The following MAP6 variants were observed in gnomAD, a reference collection of about 807,000 sequenced individuals.
MAP6 encodes the protein microtubule associated protein 6.
Under a neutral mutation model 42.4 loss-of-function variants are expected in MAP6, and 26 were observed. The observed-to-expected ratio is 0.61, with a 90% CI of 0.45 to 0.85. The LOEUF (loss-of-function observed/expected upper bound fraction) is 0.85, where lower values mean the gene tolerates loss of function less well. MAP6 is among the 40% of genes least tolerant of loss of function. The pLI is 0.00. For synonymous variants in MAP6, 418 were observed against 443.8 expected (o/e 0.94, Z 0.73); for missense variants, 966 against 1,099.0 (o/e 0.88, Z 1.71).
intron 1 of MAP6, among the ~76,000 whole-genome samples, chr11:75,627,870 C>T (rs1036102517): frequency 6.6e-6 from 1 of 152,196 alleles, no homozygotes; most frequent in African/African-American, 2.4e-5. Context: ...TCAGCTGAGG[C>T]ACTGAGACAA....
At chr11:75,649,023 G>A (rs971377307) in intron 1 of MAP6, among the ~76,000 whole-genome samples, 6 of 152,102 alleles carry the variant, frequency 3.9e-5, no homozygotes, top group African/African-American at 1.4e-4. Flanking sequence ...AATACAAAAT[G>A]TGCATAACCC....
In MAP6 at chr11:75,656,066, A is replaced by T. The variant is rs1197447056; in HGVS notation, c.905+11399T>A. ...TCTTTCTAATATTCTGCTCTTTTGC[A>T]TTCTGCCTTGATCTACCTTTTGCCT... On this transcript the variant is annotated intron_variant, in intron 1 of 3. Transcript: ENST00000304771. 3.9e-5 allele frequency among the ~76,000 whole-genome samples: 6 copies of T among 152,358 alleles called. No individual in the cohort carries two copies. The East Asian group carries it at 1.2e-3, about 29-fold the overall frequency.
chr11:75,666,315 T>C (rs569147011), intron 1 of MAP6, among the ~76,000 whole-genome samples: 72 of 152,226 alleles, frequency 4.7e-4, no homozygotes, highest in African/African-American at 1.6e-3. Flanking sequence ...CAGAAATATA[T>C]ACCGGATGGA....
intron 1 of MAP6, among the ~76,000 whole-genome samples, chr11:75,651,545 T>C (rs1292114384): frequency 1.3e-5 from 2 of 152,218 alleles, no homozygotes; most frequent in African/African-American, 2.4e-5. Flanking sequence ...AATTCCATGT[T>C]GTAGCCCCGA....
At chr11:75,603,753 T>G (rs753216565) in intron 3 of MAP6, 11 of 985,154 alleles carry the variant, frequency 1.1e-5, no homozygotes, top group Non-Finnish European at 1.3e-5. Context: ...CCTAGCACAG[T>G]GCCTGGCACA....
chr11:75,613,504 A>G (rs983096027), intron 1 of MAP6, among the ~76,000 whole-genome samples: 1 of 152,068 alleles, frequency 6.6e-6, no homozygotes. Context: ...CATCCCAGAG[A>G]TGCTCCTCAT....
intron 3 of MAP6, among the ~76,000 whole-genome samples, chr11:75,593,151 C>T (rs1269559861): frequency 6.6e-6 from 1 of 152,196 alleles, no homozygotes; most frequent in East Asian, 1.9e-4. Context: ...ATGTTTCTCC[C>T]ACTAGACTGA....
intron 1 of MAP6, among the ~76,000 whole-genome samples, chr11:75,628,114 A>C (rs770211803): frequency 8.5e-5 from 13 of 152,178 alleles, no homozygotes; most frequent in Non-Finnish European, 1.9e-4. Flanking sequence ...GTCTTGGAGC[A>C]GAGGGAGAGA....
At chr11:75,628,023 G>C (rs1943225926) in intron 1 of MAP6, among the ~76,000 whole-genome samples, 1 of 152,152 alleles carries the variant, frequency 6.6e-6, no homozygotes, top group African/African-American at 2.4e-5. Context: ...GAGGCTCAAG[G>C]ACACCCGGAT....
chr11:75,657,168 T>C (rs1251405487), intron 1 of MAP6, among the ~76,000 whole-genome samples: 3 of 151,336 alleles, frequency 2.0e-5, no homozygotes, highest in Non-Finnish European at 2.9e-5. Context: ...TGGAGTGCAG[T>C]GGCACGATCT....
chr11:75,668,472 C>A lies in MAP6; in HGVS notation c.-103G>T. On this transcript the variant is annotated 5_prime_UTR_variant, in exon 1 of 4. Transcript: ENST00000304771. ...GATCCTGACCGGCCAATGTGGTTCCCACCGTTTTCTACCCCCGATCAGCCG... is the reference window on the plus strand; with the variant it reads ...GATCCTGACCGGCCAATGTGGTTCCAACCGTTTTCTACCCCCGATCAGCCG... The A allele has an allele frequency of 7.2e-7, 1 of 1,388,944 alleles. No individual in the cohort carries two copies. The highest frequency in any genetic ancestry group is 1.7e-5 in the South Asian group (1 of 57,870). 86.0% of individuals were successfully genotyped at this position (1,388,944 alleles called of 1,614,324 possible).
chr11:75,602,779 T>G (rs1259247741), intron 3 of MAP6: 1 of 967,644 alleles, frequency 1.0e-6, no homozygotes, highest in Non-Finnish European at 1.2e-6. Context: ...CAGCTCATCT[T>G]GCAGAGAATG....
At chr11:75,622,358 C>T (rs185629230) in intron 1 of MAP6, among the ~76,000 whole-genome samples, 8 of 152,280 alleles carry the variant, frequency 5.3e-5, no homozygotes, top group Admixed American at 5.2e-4. Context: ...AATCCTCCCA[C>T]CTTGGCCTCC....
Position 75,605,893 on chromosome 11 carries a change from T to C in MAP6, c.1231A>G (p.Lys411Glu). The change falls in exon 3 of 4, where the codon AAG becomes GAG. Residue 411 changes from lysine (K) to glutamate (E), a missense_variant. By Grantham distance (56) the Lys-to-Glu change is moderately conservative. Transcript: ENST00000304771. ...GTGGTACTCGGGCCCTCCGCGCTCT[T>C]TTTCTTGGCAGCCTGGCCTGACACC... The part of the protein sequence containing the change: ...QAVSGQAAKK[K>E]SAEGPSTTKP... The C allele has an allele frequency of 6.2e-7, 1 of 1,614,186 alleles. No homozygotes were observed. Among genetic ancestry groups the C allele is most frequent in the Admixed American group, 1.7e-5 (1 of 60,018 alleles).
intron 3 of MAP6, among the ~76,000 whole-genome samples, chr11:75,591,078 T>C (rs1942469265): frequency 6.6e-6 from 1 of 152,250 alleles, no homozygotes. Flanking sequence ...AGATTAGCTT[T>C]GTAATCCCAA....
chr11:75,592,468 T>G (rs895219120), intron 3 of MAP6, among the ~76,000 whole-genome samples: 1 of 152,204 alleles, frequency 6.6e-6, no homozygotes, highest in African/African-American at 2.4e-5. Flanking sequence ...AGATTCATCC[T>G]TGATACCTCC....
At chr11:75,625,943 C>T (rs1385207206) in intron 1 of MAP6, among the ~76,000 whole-genome samples, 1 of 152,202 alleles carries the variant, frequency 6.6e-6, no homozygotes, top group Non-Finnish European at 1.5e-5. Context: ...CATTGCCTCC[C>T]ACTCTCGTCC....
Position 75,668,531 on chromosome 11 carries a change from C to T in MAP6, c.-162G>A. 1.9e-6 allele frequency: 2 copies of T among 1,034,794 alleles called. No homozygotes were observed. Among genetic ancestry groups the T allele is most frequent in the Non-Finnish European group, 2.6e-6 (2 of 778,372 alleles). The allele number at this position is 1,034,794 out of a possible 1,614,324, so 64.1% of individuals were successfully genotyped here. A position where few individuals can be genotyped will look rare whatever the true frequency, so the allele number is the denominator to read the frequency against. On this transcript the variant is annotated 5_prime_UTR_variant, in exon 1 of 4. Coordinates refer to ENST00000304771, the MANE Select transcript of MAP6 (RefSeq NM_033063.2). ...TCGCCCTCCTCCCTCAGCGAGCACCCGGGGAGAGCTGTCCTAGGAGAGTCT... is the reference window on the plus strand; with the variant it reads ...TCGCCCTCCTCCCTCAGCGAGCACCTGGGGAGAGCTGTCCTAGGAGAGTCT...
chr11:75,620,366 G>A (rs1169637122), intron 1 of MAP6, among the ~76,000 whole-genome samples: 1 of 151,932 alleles, frequency 6.6e-6, no homozygotes, highest in Non-Finnish European at 1.5e-5. Context: ...AGCTACTTGG[G>A]AGGCTAAAGT....
Sources: allele counts gnomAD v4.1 joint callset (sites outside exome capture counted in the v4.1 genomes callset), GRCh38; gene constraint gnomAD v4.1.1; transcripts MANE v1.5; gene names NCBI Gene and HGNC (gene_info 2026-07-23, HGNC 2026-07-21).